Variants in ATL3 observed in about 807,000 individuals in gnomAD.
The protein encoded by ATL3 is atlastin-3.
ATL3 carries 49 observed loss-of-function variants against 69.5 expected under a neutral mutation model. That is an observed-to-expected ratio of 0.71 (90% CI 0.56 to 0.89). ATL3 has a LOEUF of 0.89. Among genes scored for constraint, ATL3 ranks in the 40% least tolerant of loss-of-function variants. The pLI, the probability that ATL3 is intolerant of heterozygous loss-of-function variation, is 0.00. For missense variants in ATL3, 606 were observed against 645.7 expected (o/e 0.94, Z 0.67); for synonymous variants, 214 against 224.1 (o/e 0.95, Z 0.40).
At chr11:63,641,619 T>C (rs948653267) in intron 8 of ATL3, among the ~76,000 whole-genome samples, 3 of 152,116 alleles carry the variant, frequency 2.0e-5, no homozygotes, top group Non-Finnish European at 2.9e-5. Context: ...GTGGGACAGG[T>C]TCTCCTTCAG....
At chr11:63,647,500 T>C (rs1484284114) in intron 5 of ATL3, among the ~76,000 whole-genome samples, 1 of 152,184 alleles carries the variant, frequency 6.6e-6, no homozygotes. Context: ...GTCTTAAAAG[T>C]TTTTTTCTTA....
chr11:63,643,829 A>G (rs1193403458), intron 7 of ATL3, among the ~76,000 whole-genome samples: 1 of 146,962 alleles, frequency 6.8e-6, no homozygotes, highest in Non-Finnish European at 1.5e-5. Flanking sequence ...AGGCCTGTTT[A>G]TATCTATCCC....
chr11:63,653,863 C>A (rs1165570957), intron 3 of ATL3, among the ~76,000 whole-genome samples: 3 of 152,078 alleles, frequency 2.0e-5, no homozygotes, highest in African/African-American at 4.8e-5. Flanking sequence ...AGGTACATTA[C>A]AGAGAATGTT....
intron 8 of ATL3, among the ~76,000 whole-genome samples, chr11:63,639,569 C>T (rs1413375712): frequency 6.6e-6 from 1 of 151,772 alleles, no homozygotes; most frequent in Non-Finnish European, 1.5e-5. Context: ...GCCTGGGCAA[C>T]ATAGGGAGAC....
At chr11:63,634,607 T>C (rs541678004) in intron 10 of ATL3, among the ~76,000 whole-genome samples, 30 of 152,104 alleles carry the variant, frequency 2.0e-4, no homozygotes, top group Non-Finnish European at 3.4e-4. Flanking sequence ...TGGCAATAAA[T>C]CCCCTTATGT....
rs1196864337 is a variant in ATL3, at chr11:63,629,215, G to A, written c.*104C>T. On this transcript the variant is annotated 3_prime_UTR_variant, in exon 13 of 13. Coordinates refer to ENST00000398868, the MANE Select transcript of ATL3 (RefSeq NM_015459.5). ...GCCATGTTTTAGCTCTTCCTGGATC[G>A]TCTCAGATCTGCCATTCCTCTGGAT... 14 of 868,588 alleles carry A rather than the reference G, an allele frequency of 1.6e-5. No homozygotes were observed. The highest frequency in any genetic ancestry group is 8.2e-5 in the Admixed American group (4 of 48,988). 53.8% of individuals were successfully genotyped at this position (868,588 alleles called of 1,614,324 possible). A position where few individuals can be genotyped will look rare whatever the true frequency, so the allele number is the denominator to read the frequency against.
At chr11:63,661,330 T>C (rs113677097) in intron 1 of ATL3, among the ~76,000 whole-genome samples, 2 of 152,106 alleles carry the variant, frequency 1.3e-5, no homozygotes, top group Admixed American at 6.6e-5. Context: ...ATTTTGCATA[T>C]CACTAGTAAT....
In ATL3 at chr11:63,658,672, A is replaced by C. The variant is rs1940330859; in HGVS notation, c.405+89T>G. On this transcript the variant is annotated intron_variant, in intron 3 of 12. Coordinates refer to ENST00000398868, the MANE Select transcript of ATL3 (RefSeq NM_015459.5). Reference sequence around the variant, plus strand: ...TTACCCATTTTAAATTCTTTGATAAAAGGTTTTTAATTGGGTTAACACAGT... The same window carrying C: ...TTACCCATTTTAAATTCTTTGATAACAGGTTTTTAATTGGGTTAACACAGT... The C allele has an allele frequency of 4.4e-6, 6 of 1,355,064 alleles. No individual in the cohort carries two copies. The South Asian group carries it at 1.1e-4, about 25-fold the overall frequency. 83.9% of individuals were successfully genotyped at this position (1,355,064 alleles called of 1,614,324 possible).
Position 63,631,466 on chromosome 11 carries a change from A to C in ATL3, c.1113T>G (p.Cys371Trp). ...GAGACAAATAAGGTTTCTCTCCCCCACAAACCTAAAAAGAACAAAGAAACA... is the reference window on the plus strand; with the variant it reads ...GAGACAAATAAGGTTTCTCTCCCCCCCAAACCTAAAAAGAACAAAGAAACA... ...DIYYNNMEEV[C>W]GGEKPYLSPD... The change falls in exon 12 of 13, where the codon TGT becomes TGG. Residue 371 changes from cysteine to tryptophan, a missense_variant. Coordinates refer to ENST00000398868, the MANE Select transcript of ATL3 (RefSeq NM_015459.5). 1 of 1,595,494 alleles carries C rather than the reference A, an allele frequency of 6.3e-7. No homozygotes were observed. Among genetic ancestry groups the C allele is most frequent in the Non-Finnish European group, 8.5e-7 (1 of 1,172,138 alleles).
chr11:63,645,870 C>T (rs1041728781), intron 6 of ATL3, among the ~76,000 whole-genome samples: 32 of 151,902 alleles, frequency 2.1e-4, no homozygotes, highest in South Asian at 2.1e-4. Context: ...CAGGCTCGAG[C>T]GACTCTCCTG....
At chr11:63,671,560 A>G (rs1565287767), upstream of ATL3, 5 of 1,423,806 alleles carry the variant, frequency 3.5e-6, no homozygotes, top group Non-Finnish European at 4.6e-6. Flanking sequence ...AGGCTAGGCG[A>G]GGCGGGGCGG....
At chr11:63,645,908 C>T (rs1939859860) in intron 6 of ATL3, among the ~76,000 whole-genome samples, 1 of 152,014 alleles carries the variant, frequency 6.6e-6, no homozygotes, top group South Asian at 2.1e-4. Flanking sequence ...GCTAAGATTA[C>T]AGGCACCCAC....
chr11:63,631,407 T>C lies in ATL3; in HGVS notation c.1172A>G (p.Lys391Arg), dbSNP rs1454524631. 1.2e-6 allele frequency: 2 copies of C among 1,614,202 alleles called. No homozygotes were observed. The highest frequency in any genetic ancestry group is 1.7e-6 in the Non-Finnish European group (2 of 1,180,024). ...DILEEKHCEF[K>R]QLALDHFKKT... is the part of the protein sequence containing the mutation. ...CTTAAAATGGTCCAGAGCAAGTTGT[T>C]TGAATTCACAGTGCTTCTCCTCTAG... Residue 391 changes from lysine to arginine, a missense_variant, in exon 12 of 13, where the codon AAA becomes AGA. Physicochemically the swap from Lys to Arg is conservative, Grantham distance 26. Transcript: ENST00000398868.
chr11:63,647,787 G>A (rs765656277), intron 5 of ATL3, among the ~76,000 whole-genome samples: 4 of 152,096 alleles, frequency 2.6e-5, no homozygotes, highest in Admixed American at 6.6e-5. Context: ...AAATAAACAG[G>A]ACAAAGCAGC....
At chr11:63,644,319 CA>C (rs1301587855) in intron 6 of ATL3, 58 bp from the exon 7 acceptor site, 13 of 972,262 alleles carry the variant, frequency 1.3e-5, no homozygotes, top group Non-Finnish European at 2.1e-5. Context: ...TTCAAGAGAA[CA>C]ACTGCAATAC....
At chr11:63,658,962 TAA>T in intron 2 of ATL3, 58 bp from the exon 3 acceptor site, 3 of 1,596,142 alleles carry the variant, frequency 1.9e-6, no homozygotes, top group Non-Finnish European at 2.6e-6. Context: ...GCATCAAGGA[TAA>T]TCTATGAGCT....
chr11:63,671,531 G>A (rs1940783487), upstream of ATL3: 71 of 1,429,604 alleles, frequency 5.0e-5, no homozygotes, highest in Non-Finnish European at 6.2e-5. Flanking sequence ...ACAGCCCGAG[G>A]CGTGGCGAGC....
rs1020705005 is a variant in ATL3, at chr11:63,639,197, C to G, written c.851-2863G>C. On this transcript the variant is annotated intron_variant, in intron 8 of 12. Transcript: ENST00000398868. Reference sequence around the variant, plus strand: ...TAGCACTTGCCAAATACAAATCACCCGCTATTTGCAATTTAGCATCCAATT... The same window carrying G: ...TAGCACTTGCCAAATACAAATCACCGGCTATTTGCAATTTAGCATCCAATT... 2.0e-5 allele frequency among the ~76,000 whole-genome samples: 3 copies of G among 152,272 alleles called. No homozygotes were observed. In the East Asian group the frequency reaches 5.8e-4, roughly 29 times the overall value.
chr11:63,644,522 C>T (rs896230827), intron 6 of ATL3, among the ~76,000 whole-genome samples: 3 of 151,478 alleles, frequency 2.0e-5, no homozygotes, highest in Admixed American at 6.6e-5. Flanking sequence ...CCCAAGTAGC[C>T]GGGACTACAA....
Sources: gnomAD v4.1 joint callset for allele counts (sites outside exome capture counted in the v4.1 genomes callset) on GRCh38, gnomAD v4.1.1 for gene constraint, MANE v1.5 for transcripts, NCBI Gene and HGNC (gene_info 2026-07-23, HGNC 2026-07-21) for gene names.